ALKBH1: variants seen among roughly 807,000 people sequenced by gnomAD.
ALKBH1 encodes nucleic acid dioxygenase ALKBH1.
Under a neutral mutation model 36.6 loss-of-function variants are expected in ALKBH1, and 31 were observed. That is an observed-to-expected ratio of 0.85 (90% CI 0.64 to 1.14). ALKBH1 has a LOEUF of 1.14. Ranked by LOEUF, ALKBH1 falls within the 50% of genes most tolerant of loss-of-function variation. ALKBH1 has a pLI of 0.00. For synonymous variants in ALKBH1, 183 were observed against 186.6 expected, an observed-to-expected ratio of 0.98 and a Z score of 0.16; for missense variants, 490 against 497.3, an observed-to-expected ratio of 0.99 and a Z score of 0.14.
chr14:77,697,368 T>G (rs1474880920), intron 2 of ALKBH1: 3 of 160,690 alleles, frequency 1.9e-5, no homozygotes, highest in Non-Finnish European at 4.1e-5. Context: ...TGACCTCAGC[T>G]GGAGCAATGA....
chr14:77,691,023 A>G (rs1299186724), intron 3 of ALKBH1, among the ~76,000 whole-genome samples: 1 of 151,660 alleles, frequency 6.6e-6, no homozygotes, highest in Non-Finnish European at 1.5e-5. Context: ...CTGGTCTCGA[A>G]CTCCTGACCT....
At chr14:77,706,324 A>G (rs973463974) in intron 1 of ALKBH1, among the ~76,000 whole-genome samples, 34 of 152,090 alleles carry the variant, frequency 2.2e-4, no homozygotes, top group African/African-American at 8.2e-4. Flanking sequence ...TTTTGTCATG[A>G]TTTCTTTAAT....
chr14:77,685,189 T>C (rs1388927940), intron 3 of ALKBH1, among the ~76,000 whole-genome samples: 1 of 152,152 alleles, frequency 6.6e-6, no homozygotes, highest in East Asian at 1.9e-4. Context: ...ACGCCTGCAA[T>C]CCCAGCACTT....
At chr14:77,702,157 T>C (rs1175742788) in intron 2 of ALKBH1, among the ~76,000 whole-genome samples, 1 of 152,044 alleles carries the variant, frequency 6.6e-6, no homozygotes, top group East Asian at 1.9e-4. Context: ...AAAAGTTAGC[T>C]GGGCGTGGTG....
At chr14:77,707,398 A>C (rs2080400402) in intron 1 of ALKBH1, among the ~76,000 whole-genome samples, 1 of 152,222 alleles carries the variant, frequency 6.6e-6, no homozygotes, top group Non-Finnish European at 1.5e-5. Context: ...GAAGACAGGG[A>C]CTAGTTTTAC....
intron 2 of ALKBH1, among the ~76,000 whole-genome samples, chr14:77,702,301 AAAATAAAT>A (rs930093131): frequency 1.3e-5 from 2 of 152,232 alleles, no homozygotes; most frequent in South Asian, 4.1e-4. Flanking sequence ...ACTCTGTCTC[AAAATAAAT>A]AAATAAATAA....
At chr14:77,695,275 G>A (rs1304198649) in intron 2 of ALKBH1, among the ~76,000 whole-genome samples, 2 of 152,084 alleles carry the variant, frequency 1.3e-5, no homozygotes, top group African/African-American at 4.8e-5. Context: ...ATCTTATAAT[G>A]AATTTTAGCT....
rs78193385 is a variant in ALKBH1 at position 77,696,406 on chromosome 14, T to G, written c.293-1506A>C. On this transcript the variant is annotated intron_variant, in intron 2 of 5. Transcript: ENST00000216489. Reference sequence around the variant, plus strand: ...GGTTTCACCATATTGGCCAGGCTGGTCTGTACTAGGCACTTTCTTAAGAAT... The same window carrying G: ...GGTTTCACCATATTGGCCAGGCTGGGCTGTACTAGGCACTTTCTTAAGAAT... 7.7e-3 allele frequency among the ~76,000 whole-genome samples: 1,176 copies of G among 152,244 alleles called. 10 individuals carry two copies. The highest frequency in any genetic ancestry group is 0.027 in the African/African-American group (1,132 of 41,558).
intron 4 of ALKBH1, among the ~76,000 whole-genome samples, chr14:77,679,341 A>G (rs145948755): frequency 0.011 from 1,633 of 152,350 alleles, 22 homozygotes; most frequent in South Asian, 0.038. Context: ...GCTCTTGAAA[A>G]GAGTTCTATA....
intron 3 of ALKBH1, among the ~76,000 whole-genome samples, chr14:77,684,732 G>A (rs1169292459): frequency 6.6e-6 from 1 of 152,078 alleles, no homozygotes; most frequent in East Asian, 1.9e-4. Context: ...TTTTTTTGTA[G>A]AGACGGGGTC....
intron 3 of ALKBH1, among the ~76,000 whole-genome samples, chr14:77,689,512 T>G (rs983015346): frequency 6.6e-6 from 1 of 152,168 alleles, no homozygotes; most frequent in Non-Finnish European, 1.5e-5. Flanking sequence ...ATTGGACTAA[T>G]AAAGAGGGAA....
At chr14:77,706,655 C>T (rs1404884945) in intron 1 of ALKBH1, among the ~76,000 whole-genome samples, 1 of 152,182 alleles carries the variant, frequency 6.6e-6, no homozygotes, top group Non-Finnish European at 1.5e-5. Context: ...TCCCTGATGG[C>T]TGACATTCTA....
chr14:77,689,765 C>T (rs2080287348), intron 3 of ALKBH1, among the ~76,000 whole-genome samples: 1 of 151,772 alleles, frequency 6.6e-6, no homozygotes, highest in South Asian at 2.1e-4. Context: ...CTTTCATATA[C>T]ATAAAAATAG....
At chr14:77,683,595 G>A in intron 3 of ALKBH1, 1 of 425,546 alleles carries the variant, frequency 2.3e-6, no homozygotes, top group Non-Finnish European at 4.4e-6. Context: ...TTTTTGAGAT[G>A]CAGTCTTGCT....
Position 77,678,106 on chromosome 14 carries a change from A to AG in ALKBH1, c.546+1773_546+1774insC, listed in dbSNP as rs2080216016. Among the ~76,000 whole-genome samples the AG allele has an allele frequency of 5.9e-5, 9 of 151,672 alleles. No individual in the cohort carries two copies. The South Asian group carries it at 1.9e-3, about 32-fold the overall frequency. On this transcript the variant is annotated intron_variant, in intron 4 of 5. Coordinates refer to ENST00000216489, the MANE Select transcript of ALKBH1 (RefSeq NM_006020.3). Reference sequence around the variant, plus strand: ...TATCACCAAAAAAAAAAAAAAAAAAAAAAGCTAACATTTATTGTGATAATG... The same window carrying AG: ...TATCACCAAAAAAAAAAAAAAAAAAAGAAAGCTAACATTTATTGTGATAATG...
intron 3 of ALKBH1, chr14:77,683,172 A>G (rs1302556742): frequency 1.0e-5 from 4 of 393,924 alleles, no homozygotes; most frequent in Middle Eastern, 7.3e-4. Context: ...TTTTTTTTTT[A>G]CAAACAGTCC....
In ALKBH1 at chr14:77,674,181, G is replaced by C; in HGVS notation, c.801C>G (p.Ala267=). 1 of 1,613,980 alleles carries C rather than the reference G, an allele frequency of 6.2e-7. No homozygotes were observed. The highest frequency in any genetic ancestry group is 8.5e-7 in the Non-Finnish European group (1 of 1,179,914). ...TGATGTCACCACTGTGCATAAACAT[G>C]GCCGTGGGGGCCTCATCCCTTTGAA... ...GGLQRDEAPT[A]MFMHSGDIMI... Residue 267 remains alanine (A), a synonymous_variant, in exon 6 of 6, where the codon GCC becomes GCG. Coordinates refer to ENST00000216489, the MANE Select transcript of ALKBH1 (RefSeq NM_006020.3).
chr14:77,706,613 T>G (rs1167793394), intron 1 of ALKBH1, among the ~76,000 whole-genome samples: 3 of 152,194 alleles, frequency 2.0e-5, no homozygotes, highest in Admixed American at 6.5e-5. Flanking sequence ...TAGTACTGTT[T>G]TAGGTCCTGT....
At chr14:77,674,723 T>C (rs1476813184) in intron 5 of ALKBH1, among the ~76,000 whole-genome samples, 1 of 152,140 alleles carries the variant, frequency 6.6e-6, no homozygotes, top group Non-Finnish European at 1.5e-5. Context: ...CGACTAATTT[T>C]TGTATCTTAG....
Sources: allele counts gnomAD v4.1 joint callset (sites outside exome capture counted in the v4.1 genomes callset), GRCh38; gene constraint gnomAD v4.1.1; transcripts MANE v1.5; gene names NCBI Gene and HGNC (gene_info 2026-07-23, HGNC 2026-07-21).